The following TRAF2 variants were observed in gnomAD, a reference collection of about 807,000 sequenced individuals.
The protein encoded by TRAF2 is TNF receptor associated factor 2.
In TRAF2, 6 loss-of-function variants were observed where a neutral mutation model predicts 55.6. The ratio of observed to expected loss-of-function variants is 0.11; its 90% CI spans 0.06 to 0.21. The LOEUF (loss-of-function observed/expected upper bound fraction) is 0.21. Among genes scored for constraint, TRAF2 ranks in the 10% least tolerant of loss-of-function variants. The probability of loss-of-function intolerance (pLI) is 1.00; values close to 1 mark genes in which losing one functional copy is unlikely to be tolerated. For missense variants in TRAF2, 561 were observed against 684.5 expected, an observed-to-expected ratio of 0.82 and a Z score of 2.01; for synonymous variants, 329 against 276.3, an observed-to-expected ratio of 1.19 and a Z score of -1.89.
chr9:136,910,718 C>T (rs576745525), intron 6 of TRAF2, among the ~76,000 whole-genome samples: 1 of 152,318 alleles, frequency 6.6e-6, no homozygotes, highest in South Asian at 2.1e-4. Context: ...GCCAGGCCTG[C>T]CCGCGGGCTC....
intron 4 of TRAF2, among the ~76,000 whole-genome samples, chr9:136,906,874 C>T (rs1849966418): frequency 6.6e-6 from 1 of 152,196 alleles, no homozygotes; most frequent in African/African-American, 2.4e-5. Context: ...TTTGTAGTGC[C>T]TGCCACCCCG....
intron 6 of TRAF2, 79 bp from the exon 7 acceptor site, chr9:136,916,462 C>T (rs1387242207): frequency 2.2e-5 from 31 of 1,427,652 alleles, no homozygotes; most frequent in Non-Finnish European, 3.0e-5. Flanking sequence ...ACCTCTGTGT[C>T]AGTCAGTGTG....
chr9:136,903,909 C>T (rs893688472), intron 4 of TRAF2, among the ~76,000 whole-genome samples: 1 of 152,190 alleles, frequency 6.6e-6, no homozygotes, highest in African/African-American at 2.4e-5. Context: ...GTCTCGATCT[C>T]CTGACCTCGT....
intron 4 of TRAF2, among the ~76,000 whole-genome samples, chr9:136,904,514 T>C (rs535049230): frequency 1.3e-5 from 2 of 152,344 alleles, no homozygotes; most frequent in East Asian, 1.9e-4. Flanking sequence ...CACGCCATTC[T>C]TCTGCCTCAG....
At chr9:136,902,637 G>C (rs894270096) in intron 4 of TRAF2, among the ~76,000 whole-genome samples, 1 of 152,202 alleles carries the variant, frequency 6.6e-6, no homozygotes, top group Non-Finnish European at 1.5e-5. Flanking sequence ...GGTCATGTGG[G>C]AGGGGCGGGC....
upstream of TRAF2, chr9:136,886,403 C>T (rs952576309): frequency 1.2e-5 from 12 of 989,818 alleles, no homozygotes; most frequent in East Asian, 1.1e-4. Context: ...CAATGGCTCT[C>T]GCTACAGCTT....
At chr9:136,919,928 A>G (rs1044731622) in intron 7 of TRAF2, among the ~76,000 whole-genome samples, 1 of 152,060 alleles carries the variant, frequency 6.6e-6, no homozygotes, top group African/African-American at 2.4e-5. Context: ...ATGTTGCCCC[A>G]GCTAGTCTCC....
intron 1 of TRAF2, among the ~76,000 whole-genome samples, chr9:136,889,112 C>T (rs964127774): frequency 3.9e-4 from 59 of 152,166 alleles, no homozygotes; most frequent in African/African-American, 1.2e-3. Context: ...CCGCCCACCT[C>T]GGCCTCCCAG....
chr9:136,912,440 G>A (rs1192603448), intron 6 of TRAF2, among the ~76,000 whole-genome samples: 9 of 152,152 alleles, frequency 5.9e-5, no homozygotes, highest in East Asian at 3.9e-4. Flanking sequence ...GATTACAGGC[G>A]TGAGCCACTG....
chr9:136,921,231 C>A lies in TRAF2; in HGVS notation c.1138+16C>A. On this transcript the variant is annotated intron_variant, in intron 9 of 10. Transcript: ENST00000247668. ...TTCTCCCCAGGTGTGGTTCTAGGAC[C>A]CCCACCTCACTGCAGCTGCTGTTTA... The A allele has an allele frequency of 1.9e-6, 3 of 1,612,886 alleles. No individual in the cohort carries two copies. The highest frequency in any genetic ancestry group is 2.5e-6 in the Non-Finnish European group (3 of 1,179,552).
intron 6 of TRAF2, among the ~76,000 whole-genome samples, chr9:136,913,978 G>C (rs2131318453): frequency 6.6e-6 from 1 of 152,364 alleles, no homozygotes; most frequent in South Asian, 2.1e-4. Context: ...TCGCTGGATA[G>C]GAGAAGTGGG....
Position 136,925,826 on chromosome 9 carries a change from G to A in TRAF2, c.1431G>A (p.Lys477=). 5 of 1,614,260 alleles carry A rather than the reference G, an allele frequency of 3.1e-6. No individual in the cohort carries two copies. Among genetic ancestry groups the A allele is most frequent in the Non-Finnish European group, 4.2e-6 (5 of 1,180,052 alleles). ...GCCCCCTCTTCTGCCCCGTCTCCAA[G>A]ATGGAGGCAAAGAATTCCTACGTGC... ...SGCPLFCPVS[K]MEAKNSYVRD... The change falls in exon 11 of 11, where the codon AAG becomes AAA. Residue 477 remains lysine (K), a synonymous_variant. Coordinates refer to ENST00000247668, the MANE Select transcript of TRAF2 (RefSeq NM_021138.4).
In TRAF2 at chr9:136,926,388, G is replaced by A. The variant is rs971223489; in HGVS notation, c.*487G>A. On this transcript the variant is annotated 3_prime_UTR_variant, in exon 11 of 11. Coordinates refer to ENST00000247668, the MANE Select transcript of TRAF2 (RefSeq NM_021138.4). ...CTGAGCAGCTTGGTTCTCCCCTCTG[G>A]CCCCTGGAGAGAAGGGAGCATTCCT... 1 of 285,962 alleles carries A rather than the reference G, an allele frequency of 3.5e-6. No individual in the cohort carries two copies. Among genetic ancestry groups the A allele is most frequent in the Admixed American group, 4.6e-5 (1 of 21,908 alleles). 17.7% of individuals were successfully genotyped at this position (285,962 alleles called of 1,614,324 possible). A position where few individuals can be genotyped will look rare whatever the true frequency, so the allele number is the denominator to read the frequency against.
At chr9:136,921,506 A>G (rs1197888064) in intron 9 of TRAF2, among the ~76,000 whole-genome samples, 4 of 150,724 alleles carry the variant, frequency 2.7e-5, no homozygotes, top group African/African-American at 7.3e-5. Context: ...CCTCTGGCAC[A>G]CAGCCCTAAA....
At chr9:136,895,768 G>C (rs1490577701) in intron 1 of TRAF2, among the ~76,000 whole-genome samples, 1 of 150,168 alleles carries the variant, frequency 6.7e-6, no homozygotes, top group African/African-American at 2.5e-5. Flanking sequence ...AGAATTGCTT[G>C]AACCCAGGAG....
chr9:136,918,227 T>TATATATATA (rs1850286424), intron 7 of TRAF2, among the ~76,000 whole-genome samples: 6 of 68,076 alleles, frequency 8.8e-5, no homozygotes, highest in African/African-American at 4.0e-4. Context: ...AGTGTTTTGT[T>TATATATATA]TATATATATA....
At chr9:136,916,215 G>GC (rs1850237577) in intron 6 of TRAF2, among the ~76,000 whole-genome samples, 1 of 152,102 alleles carries the variant, frequency 6.6e-6, no homozygotes, top group African/African-American at 2.4e-5. Flanking sequence ...TTGAACCCAG[G>GC]CCCTGAGGCC....
upstream of TRAF2, chr9:136,882,832 G>C: frequency 1.3e-6 from 1 of 757,398 alleles, no homozygotes; most frequent in Non-Finnish European, 1.6e-6. Context: ...CTGCCTCTCA[G>C]TCAGGCTGGT....
chr9:136,901,272 G>C (rs979174812), intron 4 of TRAF2, among the ~76,000 whole-genome samples: 1 of 152,222 alleles, frequency 6.6e-6, no homozygotes, highest in Non-Finnish European at 1.5e-5. Context: ...TTCTTGTAAT[G>C]AATGCCCTTT....
Sources: allele counts gnomAD v4.1 joint callset (sites outside exome capture counted in the v4.1 genomes callset), GRCh38; gene constraint gnomAD v4.1.1; transcripts MANE v1.5; gene names NCBI Gene and HGNC (gene_info 2026-07-23, HGNC 2026-07-21).